The following UTY variants were observed in gnomAD, a reference collection of about 807,000 sequenced individuals.
The protein encoded by UTY is ubiquitously transcribed tetratricopeptide repeat containing, Y-linked.
UTY carries 12 observed loss-of-function variants against 32.5 expected under a neutral mutation model. That is an observed-to-expected ratio of 0.37 (90% confidence interval 0.24 to 0.60). The LOEUF (loss-of-function observed/expected upper bound fraction) is 0.60. Ranked by LOEUF, UTY falls within the 20% of genes least tolerant of loss-of-function variation. UTY has a pLI of 0.69. For synonymous variants in UTY, 131 were observed against 103.4 expected (o/e 1.27, Z -1.62); for missense variants, 303 against 299.2 (o/e 1.01, Z -0.09).
At chrY:13,389,862 T>C in intron 8 of UTY, among the ~76,000 whole-genome samples, 2 of 33,831 alleles carry the variant, frequency 5.9e-5, no homozygotes, top group African/African-American at 2.3e-4. Flanking sequence ...TCTGTGCAAA[T>C]GCCATTGGAA....
At chrY:13,342,032 G>C in intron 17 of UTY, among the ~76,000 whole-genome samples, 1 of 33,084 alleles carries the variant, frequency 3.0e-5, no homozygotes, top group Admixed American at 2.7e-4. Context: ...CCCCACAACA[G>C]AGGAATGGAG....
intron 6 of UTY, among the ~76,000 whole-genome samples, chrY:13,403,907 C>A: frequency 3.1e-5 from 1 of 32,696 alleles, no homozygotes; most frequent in African/African-American, 1.2e-4. Context: ...CAGTGAGAGC[C>A]AGTCTCTTAA....
intron 18 of UTY, among the ~76,000 whole-genome samples, chrY:13,333,394 A>C (rs2060820210): frequency 6.0e-5 from 2 of 33,346 alleles, no homozygotes; most frequent in Non-Finnish European, 1.5e-4. Flanking sequence ...CCAATGAAAC[A>C]AAACAGAGGC....
intron 21 of UTY, among the ~76,000 whole-genome samples, chrY:13,312,911 C>T: frequency 3.0e-5 from 1 of 33,022 alleles, no homozygotes; most frequent in Non-Finnish European, 7.4e-5. Context: ...CACATGCTGG[C>T]GAGGATGTGA....
intron 27 of UTY, among the ~76,000 whole-genome samples, chrY:13,261,873 A>G: frequency 6.1e-5 from 2 of 32,928 alleles, no homozygotes. Flanking sequence ...TTTCACCAGG[A>G]AAGTCTTATT....
At chrY:13,264,080 T>C (rs2055542032) in intron 27 of UTY, among the ~76,000 whole-genome samples, 1 of 34,127 alleles carries the variant, frequency 2.9e-5, no homozygotes, top group African/African-American at 1.1e-4. Flanking sequence ...CCCAGCTTCA[T>C]TCATGTAACT....
chrY:13,313,122 A>G, intron 21 of UTY, among the ~76,000 whole-genome samples: 3 of 33,497 alleles, frequency 9.0e-5, no homozygotes, highest in Admixed American at 2.7e-4. Flanking sequence ...TCATTGCGCT[A>G]TTCACAATAG....
intron 18 of UTY, among the ~76,000 whole-genome samples, chrY:13,332,499 CAT>C (rs2060752343): frequency 3.0e-5 from 1 of 33,743 alleles, no homozygotes; most frequent in Admixed American, 2.7e-4. Flanking sequence ...ATAAAACCCA[CAT>C]GATTATTTCA....
At chrY:13,399,752 T>C (rs2068712921) in intron 6 of UTY, among the ~76,000 whole-genome samples, 2 of 33,136 alleles carry the variant, frequency 6.0e-5, no homozygotes, top group Admixed American at 2.7e-4. Flanking sequence ...CACCCCAAAA[T>C]AGGCGATTCT....
intron 27 of UTY, among the ~76,000 whole-genome samples, chrY:13,294,302 A>C: frequency 3.0e-5 from 1 of 33,776 alleles, no homozygotes; most frequent in South Asian, 6.6e-4. Context: ...TCAGAAATAC[A>C]TAACTATGAA....
intron 27 of UTY, chrY:13,287,504 G>T: frequency 7.8e-6 from 1 of 127,436 alleles, no homozygotes; most frequent in Non-Finnish European, 1.5e-5. Context: ...CACCGAAGTG[G>T]TTAGGACTCT....
intron 10 of UTY, among the ~76,000 whole-genome samples, chrY:13,361,193 G>C (rs2063510378): frequency 3.0e-5 from 1 of 33,268 alleles, no homozygotes; most frequent in Non-Finnish European, 7.4e-5. Context: ...AGGTACTATA[G>C]GTTGATCACT....
chrY:13,367,873 C>T, intron 9 of UTY, among the ~76,000 whole-genome samples: 1 of 32,880 alleles, frequency 3.0e-5, no homozygotes, highest in African/African-American at 1.2e-4. Context: ...AGAAAACCCA[C>T]TAAGATGTTC....
intron 27 of UTY, among the ~76,000 whole-genome samples, chrY:13,296,643 GC>G (rs2058049013): frequency 3.1e-5 from 1 of 32,370 alleles, no homozygotes; most frequent in Non-Finnish European, 7.5e-5. Context: ...AATTTTTTCT[GC>G]CCCCTACCCT....
At chrY:13,400,342 T>C (rs2068796267) in intron 6 of UTY, among the ~76,000 whole-genome samples, 3 of 31,420 alleles carry the variant, frequency 9.5e-5, no homozygotes, top group Non-Finnish European at 1.6e-4. Flanking sequence ...GTGTGAAATG[T>C]TGAGTATACC....
chrY:13,356,020 T>C lies in UTY; in HGVS notation c.1570-2A>G. The stretch of plus-strand genomic sequence containing the variant: ...ATTTGCTCGCAGTTGTTCCAAGTGC[T>C]AGAAGAAAAGAGATTAATATAATCA... On this transcript the variant is annotated splice_acceptor_variant, in intron 15 of 29. Transcript: ENST00000545955. LOFTEE classifies it high-confidence loss of function. 1 of 371,638 alleles carries C rather than the reference T, an allele frequency of 2.7e-6. No individual in the cohort carries two copies. The highest frequency in any genetic ancestry group is 3.7e-6 in the Non-Finnish European group (1 of 268,156). The allele number at this position is 371,638 out of a possible 400,897, so 92.7% of individuals were successfully genotyped here.
chrY:13,353,095 A>G, intron 17 of UTY, among the ~76,000 whole-genome samples: 1 of 34,382 alleles, frequency 2.9e-5, no homozygotes, highest in Non-Finnish European at 7.3e-5. Flanking sequence ...TTCAATGAAG[A>G]TTACAGTGGA....
intron 4 of UTY, among the ~76,000 whole-genome samples, chrY:13,446,619 T>TAGACAGACAGAC (rs1556515334): frequency 0.024 from 346 of 14,257 alleles, no homozygotes; most frequent in East Asian, 0.057. Flanking sequence ...GATAGATAGA[T>TAGACAGACAGAC]AGACAGACAG....
intron 17 of UTY, among the ~76,000 whole-genome samples, chrY:13,348,845 AGTGAC>A (rs2062143401): frequency 6.0e-5 from 2 of 33,594 alleles, no homozygotes; most frequent in African/African-American, 2.3e-4. Flanking sequence ...AGAGAAGGGA[AGTGAC>A]TGGTTAACTT....
Sources: allele counts gnomAD v4.1 joint callset (sites outside exome capture counted in the v4.1 genomes callset), GRCh38; gene constraint gnomAD v4.1.1; transcripts MANE v1.5; gene names NCBI Gene and HGNC (gene_info 2026-07-23, HGNC 2026-07-21).